Variants in CYTH3 observed in about 807,000 individuals in gnomAD.
The protein encoded by CYTH3 is cytohesin 3.
A neutral mutation model predicts 55.1 loss-of-function variants in CYTH3; 23 were observed. The observed-to-expected ratio is 0.42, with a 90% CI of 0.30 to 0.59. The LOEUF is 0.59. Among genes scored for constraint, CYTH3 ranks in the 20% least tolerant of loss-of-function variants. CYTH3 has a pLI of 0.20. For missense variants in CYTH3, 413 were observed against 524.8 expected (o/e 0.79, Z 2.08); for synonymous variants, 249 against 194.9 (o/e 1.28, Z -2.31).
intron 1 of CYTH3, among the ~76,000 whole-genome samples, chr7:6,196,450 TTTTTTC>T (rs1186828272): frequency 7.2e-6 from 1 of 139,664 alleles, no homozygotes; most frequent in Non-Finnish European, 1.5e-5. Context: ...TCTTTTTTCT[TTTTTTC>T]TTTTTTTTTT....
chr7:6,238,803 T>C (rs547977104), intron 1 of CYTH3, among the ~76,000 whole-genome samples: 125 of 152,222 alleles, frequency 8.2e-4, no homozygotes, highest in African/African-American at 2.8e-3. Context: ...AGGGAGTATA[T>C]GGGAGCTCTT....
chr7:6,269,271 C>A (rs1467458871), intron 1 of CYTH3, among the ~76,000 whole-genome samples: 1 of 152,190 alleles, frequency 6.6e-6, no homozygotes, highest in Non-Finnish European at 1.5e-5. Context: ...TTTGAAACGA[C>A]CTTGCCGTTC....
chr7:6,231,148 T>C (rs779943905), intron 1 of CYTH3, among the ~76,000 whole-genome samples: 2 of 152,258 alleles, frequency 1.3e-5, no homozygotes, highest in South Asian at 2.1e-4. Context: ...TGCAGTCGGA[T>C]GATGCATGAG....
intron 9 of CYTH3, among the ~76,000 whole-genome samples, chr7:6,166,265 CAA>C (rs535132470): frequency 2.6e-5 from 4 of 152,270 alleles, no homozygotes; most frequent in Non-Finnish European, 5.9e-5. Flanking sequence ...AATTTTGTAA[CAA>C]GATCTGGAGC....
rs1216723664 is a variant in CYTH3, at chr7:6,201,865, G to T, written c.35-11334C>A. Among the ~76,000 whole-genome samples the T allele has an allele frequency of 2.0e-5, 3 of 152,140 alleles. No individual in the cohort carries two copies. In the East Asian group the frequency reaches 5.8e-4, roughly 29 times the overall value. On this transcript the variant is annotated intron_variant, in intron 1 of 12. Coordinates refer to ENST00000350796, the MANE Select transcript of CYTH3 (RefSeq NM_004227.4). ...CTCAAAATGCCCAAATTGGGAAAGG[G>T]AAATTAAAACTGGAATGAGAAAAAA...
intron 4 of CYTH3, among the ~76,000 whole-genome samples, chr7:6,182,344 C>A (rs1459257918): frequency 6.6e-6 from 1 of 152,118 alleles, no homozygotes; most frequent in Admixed American, 6.5e-5. Context: ...GCCACCGCAC[C>A]CAGCCTCCTG....
In CYTH3 at chr7:6,243,084, T is replaced by C. The variant is rs75071756; in HGVS notation, c.34+29390A>G. ...GATGCACACCTAGTCTCATGATTAA[T>C]TGCAGGTGCTCTAAAAATGGTATTT... On this transcript the variant is annotated intron_variant, in intron 1 of 12. Coordinates refer to ENST00000350796, the MANE Select transcript of CYTH3 (RefSeq NM_004227.4). 4.5e-3 allele frequency among the ~76,000 whole-genome samples: 691 copies of C among 152,328 alleles called. 8 individuals are homozygous for C. Among genetic ancestry groups the C allele is most frequent in the African/African-American group, 0.015 (643 of 41,576 alleles).
chr7:6,218,534 G>T (rs1760696159), intron 1 of CYTH3, among the ~76,000 whole-genome samples: 1 of 152,194 alleles, frequency 6.6e-6, no homozygotes, highest in Non-Finnish European at 1.5e-5. Context: ...AAAATGTGTG[G>T]TAACTTATTA....
intron 1 of CYTH3, among the ~76,000 whole-genome samples, chr7:6,236,393 A>G (rs1240893495): frequency 7.1e-6 from 1 of 140,744 alleles, no homozygotes; most frequent in Non-Finnish European, 1.5e-5. Context: ...TACTTTTTGT[A>G]CAGACAGGGT....
At chr7:6,177,081 A>G (rs1783370514) in intron 5 of CYTH3, among the ~76,000 whole-genome samples, 1 of 152,054 alleles carries the variant, frequency 6.6e-6, no homozygotes, top group African/African-American at 2.4e-5. Context: ...AATCCTTTTT[A>G]CCTATTGCTT....
chr7:6,203,947 G>A (rs973915187), intron 1 of CYTH3, among the ~76,000 whole-genome samples: 13 of 151,764 alleles, frequency 8.6e-5, no homozygotes, highest in African/African-American at 2.7e-4. Flanking sequence ...TTGATCTCCT[G>A]ACCTCGTGAT....
intron 1 of CYTH3, among the ~76,000 whole-genome samples, chr7:6,271,767 C>A (rs1035690188): frequency 1.3e-5 from 2 of 152,300 alleles, no homozygotes; most frequent in Admixed American, 6.5e-5. Flanking sequence ...TGGCTCCGGG[C>A]ACACCTGGCT....
intron 1 of CYTH3, among the ~76,000 whole-genome samples, chr7:6,229,866 TG>T (rs1042604689): frequency 6.8e-6 from 1 of 148,142 alleles, no homozygotes; most frequent in African/African-American, 2.5e-5. Flanking sequence ...CTGGGCTGGG[TG>T]GCTCATGCCC....
chr7:6,189,889 A>C (rs529779342), intron 2 of CYTH3, among the ~76,000 whole-genome samples: 16 of 152,162 alleles, frequency 1.1e-4, no homozygotes, highest in African/African-American at 3.4e-4. Flanking sequence ...ACAAAAAATT[A>C]GCTGGGTGTG....
chr7:6,165,089 G>A, intron 12 of CYTH3, 73 bp from the exon 13 acceptor site: 1 of 1,600,946 alleles, frequency 6.2e-7, no homozygotes, highest in African/African-American at 1.3e-5. Context: ...ACCAGCCCCA[G>A]AGGCCCCTCA....
intron 1 of CYTH3, among the ~76,000 whole-genome samples, chr7:6,255,752 T>C (rs983538438): frequency 1.4e-5 from 2 of 141,970 alleles, no homozygotes; most frequent in African/African-American, 2.8e-5. Flanking sequence ...GTTTGACCTT[T>C]AATCTGTTTT....
At chr7:6,243,263 T>C (rs1779719988) in intron 1 of CYTH3, among the ~76,000 whole-genome samples, 1 of 152,220 alleles carries the variant, frequency 6.6e-6, no homozygotes, top group Non-Finnish European at 1.5e-5. Flanking sequence ...GGGCTGGGCC[T>C]GTGTCTCTGT....
rs1011824570 is a variant in CYTH3 at position 6,167,844 on chromosome 7, C to T, written c.824-2034G>A. Among the ~76,000 whole-genome samples, 13 of 152,346 alleles carry T rather than the reference C, an allele frequency of 8.5e-5. No individual in the cohort carries two copies. In the East Asian group the frequency reaches 1.2e-3, roughly 14 times the overall value. On this transcript the variant is annotated intron_variant, in intron 9 of 12. Coordinates refer to ENST00000350796, the MANE Select transcript of CYTH3 (RefSeq NM_004227.4). The surrounding 1 kb of genome is among the most constrained non-coding windows in gnomAD (Gnocchi z 5.5). ...TTCCACTAGCCCACACACCTGGCCC[C>T]GCCTGGGAGGGGTCTGCCAGGTGGC... is the stretch of plus-strand genomic sequence containing the variant.
chr7:6,272,336 C>T, intron 1 of CYTH3, 138 bp downstream of exon 1: 1 of 810,378 alleles, frequency 1.2e-6, no homozygotes, highest in Non-Finnish European at 1.6e-6. Flanking sequence ...GTGCCTCAGG[C>T]CTCCAGCGGA....
Sources: allele counts gnomAD v4.1 joint callset (sites outside exome capture counted in the v4.1 genomes callset), GRCh38; gene constraint gnomAD v4.1.1; non-coding constraint Gnocchi (gnomAD v3.1); transcripts MANE v1.5; gene names NCBI Gene and HGNC (gene_info 2026-07-23, HGNC 2026-07-21).